The following ACOX1 variants were observed in gnomAD, a reference collection of about 807,000 sequenced individuals.
ACOX1 encodes peroxisomal acyl-coenzyme A oxidase 1.
A neutral mutation model predicts 75.5 loss-of-function variants in ACOX1; 41 were observed. The observed-to-expected ratio is 0.54, with a 90% CI of 0.42 to 0.70. The LOEUF (loss-of-function observed/expected upper bound fraction) is 0.70, where lower values mean the gene tolerates loss of function less well. Among genes scored for constraint, ACOX1 ranks in the 30% least tolerant of loss-of-function variants. The probability of loss-of-function intolerance (pLI) is 0.00; values close to 1 mark genes in which losing one functional copy is unlikely to be tolerated. For missense variants in ACOX1, 630 were observed against 837.5 expected (o/e 0.75, Z 3.06); for synonymous variants, 303 against 298.8 (o/e 1.01, Z -0.15).
intron 2 of ACOX1, among the ~76,000 whole-genome samples, chr17:75,969,372 G>A (rs1478740093): frequency 6.6e-6 from 1 of 151,724 alleles, no homozygotes; most frequent in Non-Finnish European, 1.5e-5. Flanking sequence ...CTCCATGTTG[G>A]TCAGGCTGGT....
chr17:75,964,211 A>G (rs2065911197), intron 2 of ACOX1, among the ~76,000 whole-genome samples: 1 of 151,920 alleles, frequency 6.6e-6, no homozygotes, highest in African/African-American at 2.4e-5. Context: ...TAATAGCGGA[A>G]ATCCCAAGAA....
Position 75,965,651 on chromosome 17 carries a change from G to A in ACOX1, c.270-5276C>T, listed in dbSNP as rs75110146. Reference sequence around the variant, plus strand: ...ATACCTTACAAGCCTGGGCAACACAGCAAGATCCTATCTCTACTAAAAATT... The same window carrying A: ...ATACCTTACAAGCCTGGGCAACACAACAAGATCCTATCTCTACTAAAAATT... On this transcript the variant is annotated intron_variant, in intron 2 of 13. Coordinates refer to ENST00000293217, the MANE Select transcript of ACOX1 (RefSeq NM_004035.7). Among the ~76,000 whole-genome samples the A allele has an allele frequency of 3.9e-3, 595 of 151,734 alleles. 18 individuals carry two copies. In the East Asian group the frequency reaches 0.068, roughly 17 times the overall value.
chr17:75,963,039 G>A (rs1412596097), intron 2 of ACOX1, among the ~76,000 whole-genome samples: 1 of 152,036 alleles, frequency 6.6e-6, no homozygotes, highest in Non-Finnish European at 1.5e-5. Flanking sequence ...GCTGAGGCAG[G>A]AGAATCACTT....
chr17:75,953,285 C>T, intron 7 of ACOX1, 166 bp downstream of exon 7: 2 of 711,946 alleles, frequency 2.8e-6, no homozygotes, highest in Non-Finnish European at 4.7e-6. Flanking sequence ...TCTGTCTTTC[C>T]TCTTAAGAAA....
At chr17:75,975,620 GT>G (rs2066041065) in intron 2 of ACOX1, among the ~76,000 whole-genome samples, 1 of 152,174 alleles carries the variant, frequency 6.6e-6, no homozygotes, top group Non-Finnish European at 1.5e-5. Context: ...CTAATCATGT[GT>G]TTAGAAGCTG....
chr17:75,965,827 C>T (rs2065927076), intron 2 of ACOX1, among the ~76,000 whole-genome samples: 1 of 152,078 alleles, frequency 6.6e-6, no homozygotes, highest in East Asian at 1.9e-4. Context: ...AGCAAGAACC[C>T]GTCTTTCAAA....
intron 6 of ACOX1, among the ~76,000 whole-genome samples, chr17:75,954,924 G>C (rs1056025536): frequency 6.6e-6 from 1 of 151,104 alleles, no homozygotes; most frequent in Admixed American, 6.6e-5. Flanking sequence ...CTGGAGTGCA[G>C]TGTCATGATC....
chr17:75,947,710 AC>A (rs1269951426), intron 13 of ACOX1, among the ~76,000 whole-genome samples: 1 of 132,616 alleles, frequency 7.5e-6, no homozygotes, highest in African/African-American at 2.9e-5. Flanking sequence ...GTGTGTGTAT[AC>A]TTTTTTTTTT....
At position 75,942,186 on chromosome 17, in the gene ACOX1, T is replaced by A. The variant is rs1175950643; in HGVS notation, c.*4562A>T. The A allele has an allele frequency of 6.6e-6, 1 of 151,954 alleles. No individual in the cohort carries two copies. Among genetic ancestry groups the A allele is most frequent in the Admixed American group, 6.6e-5 (1 of 15,242 alleles). 9.4% of individuals were successfully genotyped at this position (151,954 alleles called of 1,614,324 possible). A position where few individuals can be genotyped will look rare whatever the true frequency, so the allele number is the denominator to read the frequency against. ...TGGCTCACGCCTGTAATCCCAGCAC[T>A]TTGGGAGGCCGAGGTGGGTGGATCA... On this transcript the variant is annotated 3_prime_UTR_variant, in exon 14 of 14. Coordinates refer to ENST00000293217, the MANE Select transcript of ACOX1 (RefSeq NM_004035.7).
At chr17:75,947,842 AGTAGC>A in intron 13 of ACOX1, among the ~76,000 whole-genome samples, 1 of 151,664 alleles carries the variant, frequency 6.6e-6, no homozygotes, top group Non-Finnish European at 1.5e-5. Flanking sequence ...AGAATTCCCG[AGTAGC>A]TGGGACTACA....
intron 2 of ACOX1, among the ~76,000 whole-genome samples, chr17:75,972,365 C>A (rs377642955): frequency 3.4e-5 from 5 of 148,316 alleles, no homozygotes; most frequent in African/African-American, 5.0e-5. Flanking sequence ...GTCAGCCAGG[C>A]GCGGTGGCTC....
At chr17:75,967,613 T>C (rs185360283) in intron 2 of ACOX1, among the ~76,000 whole-genome samples, 2,109 of 138,202 alleles carry the variant, frequency 0.015, 27 homozygotes, top group Middle Eastern at 0.044. Flanking sequence ...TATATATATA[T>C]ACATACATAT....
intron 2 of ACOX1, chr17:75,973,263 G>A (rs1209577730): frequency 9.3e-6 from 3 of 323,584 alleles, no homozygotes; most frequent in African/African-American, 6.5e-5. Context: ...CTGCATTAGA[G>A]CAGAGAGGCG....
chr17:75,958,670 T>A (rs1404025697), intron 3 of ACOX1, among the ~76,000 whole-genome samples: 2 of 151,902 alleles, frequency 1.3e-5, no homozygotes, highest in Admixed American at 1.3e-4. Flanking sequence ...TAGCTGGGCA[T>A]GGTGGTGGGT....
At chr17:75,954,520 CAAA>C (rs1166502215) in intron 6 of ACOX1, among the ~76,000 whole-genome samples, 29 of 57,632 alleles carry the variant, frequency 5.0e-4, no homozygotes, top group African/African-American at 2.0e-3. Context: ...CTCTCTCTCT[CAAA>C]AAAAAAAAAA....
chr17:75,975,958 AAAG>A (rs1297687597), intron 2 of ACOX1, among the ~76,000 whole-genome samples: 1 of 151,548 alleles, frequency 6.6e-6, no homozygotes, highest in Non-Finnish European at 1.5e-5. Flanking sequence ...AGAAAGAAAG[AAAG>A]AAAAGAAAAG....
At chr17:75,977,633 C>T (rs554770816) in intron 2 of ACOX1, among the ~76,000 whole-genome samples, 1 of 152,170 alleles carries the variant, frequency 6.6e-6, no homozygotes, top group Non-Finnish European at 1.5e-5. Flanking sequence ...TACTCTCTTC[C>T]ACACTAGAAC....
chr17:75,957,395 A>C, intron 4 of ACOX1, 64 bp downstream of exon 4: 2 of 1,434,422 alleles, frequency 1.4e-6, no homozygotes, highest in East Asian at 4.6e-5. Context: ...AAAGCTCTAC[A>C]TTCTAAGCAA....
At chr17:75,947,755 G>C (rs1041540803) in intron 13 of ACOX1, among the ~76,000 whole-genome samples, 1 of 150,628 alleles carries the variant, frequency 6.6e-6, no homozygotes, top group Non-Finnish European at 1.5e-5. Flanking sequence ...TGTCACCCAG[G>C]CTGGAGTGCA....
Sources: allele counts gnomAD v4.1 joint callset (sites outside exome capture counted in the v4.1 genomes callset), GRCh38; gene constraint gnomAD v4.1.1; transcripts MANE v1.5; gene names NCBI Gene and HGNC (gene_info 2026-07-23, HGNC 2026-07-21).